DENND2B: variants seen among roughly 807,000 people sequenced by gnomAD.
DENND2B encodes DENN domain containing 2B, also known as DENN domain-containing protein 2B.
In DENND2B, 32 loss-of-function variants were observed where a neutral mutation model predicts 116.0. The ratio of observed to expected loss-of-function variants is 0.28; its 90% CI spans 0.21 to 0.37. The LOEUF (loss-of-function observed/expected upper bound fraction) is 0.37. DENND2B is among the 10% of genes least tolerant of loss of function. The pLI is 1.00. For synonymous variants in DENND2B, 588 were observed against 583.9 expected, an observed-to-expected ratio of 1.01 and a Z score of -0.10; for missense variants, 1,276 against 1,477.7, an observed-to-expected ratio of 0.86 and a Z score of 2.24.
At chr11:8,709,750 G>A (rs1272868640) in intron 11 of DENND2B, among the ~76,000 whole-genome samples, 1 of 152,120 alleles carries the variant, frequency 6.6e-6, no homozygotes, top group Non-Finnish European at 1.5e-5. Context: ...TATGGATCAG[G>A]GATAATAATA....
chr11:8,780,059 G>C (rs976133355), intron 1 of DENND2B, among the ~76,000 whole-genome samples: 11 of 152,280 alleles, frequency 7.2e-5, no homozygotes, highest in African/African-American at 2.6e-4. Context: ...CAGGAGAAGG[G>C]GGGCAGTATG....
chr11:8,859,235 GTTGTA>G (rs1417097379), intron 2 of DENND2B, among the ~76,000 whole-genome samples: 1 of 151,936 alleles, frequency 6.6e-6, no homozygotes, highest in African/African-American at 2.4e-5. Flanking sequence ...CTTTCCCTCA[GTTGTA>G]TTGTATATCT....
At chr11:8,839,418 G>A (rs1018176685) in intron 3 of DENND2B, 1 of 152,108 alleles carries the variant, frequency 6.6e-6, no homozygotes, top group African/African-American at 2.4e-5. Context: ...TAACCTTTAA[G>A]AAAGGGCTTC....
At chr11:8,873,391 T>C (rs373546897), upstream of DENND2B, among the ~76,000 whole-genome samples, 3 of 152,254 alleles carry the variant, frequency 2.0e-5, no homozygotes, top group South Asian at 6.2e-4. Flanking sequence ...GGAACTGTTT[T>C]AATTCTTAGG....
chr11:8,903,889 C>CA (rs61317026), intron 1 of DENND2B, among the ~76,000 whole-genome samples: 2,337 of 75,196 alleles, frequency 0.031, 45 homozygotes, highest in Non-Finnish European at 0.042. Context: ...GACCTTGTCT[C>CA]AAAAAAAAAA....
chr11:8,743,364 A>G (rs1166741300), intron 2 of DENND2B, among the ~76,000 whole-genome samples: 1 of 152,004 alleles, frequency 6.6e-6, no homozygotes, highest in East Asian at 1.9e-4. Flanking sequence ...AGCCTGGTCA[A>G]CATGGCAAAA....
chr11:8,773,035 G>C (rs2057161115), intron 1 of DENND2B, among the ~76,000 whole-genome samples: 1 of 152,034 alleles, frequency 6.6e-6, no homozygotes, highest in Non-Finnish European at 1.5e-5. Context: ...CACAAATCCA[G>C]CTTTACATCT....
At chr11:8,876,299 G>T (rs2063840392), upstream of DENND2B, among the ~76,000 whole-genome samples, 3 of 151,956 alleles carry the variant, frequency 2.0e-5, no homozygotes, top group Non-Finnish European at 4.4e-5. Flanking sequence ...TATTACTGAG[G>T]TTTTAATATA....
intron 1 of DENND2B, among the ~76,000 whole-genome samples, chr11:8,801,513 C>A (rs1361368535): frequency 7.9e-5 from 12 of 151,344 alleles, no homozygotes; most frequent in African/African-American, 2.7e-4. Context: ...CCCGTCTCTA[C>A]TAAAATACAA....
intron 1 of DENND2B, among the ~76,000 whole-genome samples, chr11:8,764,942 C>CAAAAAAAAAAA (rs35421038): frequency 1.0e-5 from 1 of 100,286 alleles, no homozygotes; most frequent in Admixed American, 1.3e-4. Context: ...GAGACTGTCT[C>CAAAAAAAAAAA]AAAAAAAAAA....
intron 14 of DENND2B, among the ~76,000 whole-genome samples, chr11:8,701,352 GGGGGGGGA>G (rs199665249): frequency 0.031 from 2,883 of 93,598 alleles, 500 homozygotes; most frequent in African/African-American, 0.081. Flanking sequence ...TCCGGGGGGG[GGGGGGGGA>G]GGGGCTACAT....
intron 14 of DENND2B, among the ~76,000 whole-genome samples, chr11:8,700,779 A>G (rs901015717): frequency 1.3e-5 from 2 of 152,300 alleles, no homozygotes; most frequent in Admixed American, 6.5e-5. Flanking sequence ...TATTTTATGG[A>G]GAGAGGAAAA....
At position 8,723,693 on chromosome 11, in the gene DENND2B, G is replaced by A. The variant is rs374641108; in HGVS notation, c.1477+2380C>T. ...TGCCCACCTGGCTTCTGGATCTTTTGTTCTGATGCCCCTAGCTCTTGACCT... is the reference window on the plus strand; with the variant it reads ...TGCCCACCTGGCTTCTGGATCTTTTATTCTGATGCCCCTAGCTCTTGACCT... On this transcript the variant is annotated intron_variant, in intron 4 of 19. Transcript: ENST00000313726. Among the ~76,000 whole-genome samples, 4 of 152,148 alleles carry A rather than the reference G, an allele frequency of 2.6e-5. No individual in the cohort carries two copies. In the East Asian group the frequency reaches 7.7e-4, roughly 29 times the overall value.
intron 4 of DENND2B, 143 bp downstream of exon 4, chr11:8,725,930 C>T (rs1213247986): frequency 3.3e-6 from 4 of 1,220,092 alleles, no homozygotes; most frequent in Non-Finnish European, 4.6e-6. Context: ...GGTGCTTCCC[C>T]TGATGTCCCA....
chr11:8,910,745 G>GTGT (rs2064312074), intron 1 of DENND2B: 1 of 118,686 alleles, frequency 8.4e-6, no homozygotes, highest in Admixed American at 8.7e-5. Flanking sequence ...TGTCTACACG[G>GTGT]GTTCTCGCTA....
At chr11:8,890,623 C>T (rs140327312) in intron 1 of DENND2B, among the ~76,000 whole-genome samples, 3,148 of 152,152 alleles carry the variant, frequency 0.021, 45 homozygotes, top group Middle Eastern at 0.034. Flanking sequence ...ATTCAGTCAA[C>T]TGGAAGAAAG....
In DENND2B at chr11:8,712,596, T is replaced by C. The variant is rs138962055; in HGVS notation, c.2127A>G (p.Pro709=). The C allele has an allele frequency of 7.7e-6, 12 of 1,559,000 alleles. No individual in the cohort carries two copies. The African/African-American group carries it at 8.1e-5, about 11-fold the overall frequency. The change falls in exon 9 of 20, where the codon CCA becomes CCG. Residue 709 remains proline (P), a synonymous_variant. Transcript: ENST00000313726. This position sits in a 1 kb window ranked among gnomAD's most constrained non-coding sequence, Gnocchi z 4.4. ...CTTCGGGGAGGTAGGTGTTTCGCGA[T>C]GGCTTCTTCTTGAGGGACACCACCA... is the stretch of plus-strand genomic sequence containing the variant. ...YFVVVSLKKK[P]SRNTYLPEVS... is the part of the protein sequence containing the mutation.
intron 1 of DENND2B, among the ~76,000 whole-genome samples, chr11:8,798,828 C>CTTTTT (rs200890965): frequency 8.9e-5 from 12 of 134,176 alleles, no homozygotes; most frequent in African/African-American, 2.8e-4. Context: ...TTTCCGGTTG[C>CTTTTT]TTTTTTTTTT....
intron 1 of DENND2B, among the ~76,000 whole-genome samples, chr11:8,799,561 C>CTTT (rs67190732): frequency 1.3e-4 from 15 of 114,042 alleles, no homozygotes; most frequent in Admixed American, 2.0e-4. Context: ...TCCTTTTTCT[C>CTTT]TTTTTTTTTT....
Sources: allele counts gnomAD v4.1 joint callset (sites outside exome capture counted in the v4.1 genomes callset), GRCh38; gene constraint gnomAD v4.1.1; non-coding constraint Gnocchi (gnomAD v3.1); transcripts MANE v1.5; gene names NCBI Gene and HGNC (gene_info 2026-07-23, HGNC 2026-07-21).